The following UBE2E3 variants were observed in gnomAD, a reference collection of about 807,000 sequenced individuals.
The protein encoded by UBE2E3 is ubiquitin-conjugating enzyme E2 E3.
Under a neutral mutation model 23.6 loss-of-function variants are expected in UBE2E3, and 5 were observed. The observed-to-expected ratio is 0.21, with a 90% confidence interval of 0.11 to 0.44. The LOEUF (loss-of-function observed/expected upper bound fraction) is 0.44. Ranked by LOEUF, UBE2E3 falls within the 20% of genes least tolerant of loss-of-function variation. The probability of loss-of-function intolerance (pLI) is 0.99; values close to 1 mark genes in which losing one functional copy is unlikely to be tolerated. For synonymous variants in UBE2E3, 78 were observed against 87.5 expected (o/e 0.89, Z 0.60); for missense variants, 81 against 249.8 (o/e 0.32, Z 4.55).
intron 3 of UBE2E3, among the ~76,000 whole-genome samples, chr2:181,007,277 T>G (rs1685180549): frequency 1.3e-5 from 2 of 152,214 alleles, no homozygotes; most frequent in South Asian, 4.1e-4. Context: ...TTAAAATAGC[T>G]TGCTACCTTA....
chr2:181,059,088 G>A (rs1362071251), intron 4 of UBE2E3, among the ~76,000 whole-genome samples: 2 of 151,688 alleles, frequency 1.3e-5, no homozygotes, highest in African/African-American at 4.8e-5. Context: ...TATAAATTTA[G>A]CATGTTGGTT....
intron 3 of UBE2E3, among the ~76,000 whole-genome samples, chr2:181,021,373 C>G (rs1292754816): frequency 7.4e-6 from 1 of 135,436 alleles, no homozygotes; most frequent in South Asian, 2.4e-4. Context: ...TTTTTGTTTT[C>G]TTTTCTTTTT....
At chr2:181,056,884 A>G (rs113606394) in intron 3 of UBE2E3, among the ~76,000 whole-genome samples, 43 of 151,932 alleles carry the variant, frequency 2.8e-4, no homozygotes, top group African/African-American at 9.4e-4. Context: ...CCAATGAGGT[A>G]CAGGTAGGTG....
At chr2:180,997,461 T>C (rs1574165525) in intron 3 of UBE2E3, among the ~76,000 whole-genome samples, 1 of 152,236 alleles carries the variant, frequency 6.6e-6, no homozygotes, top group East Asian at 1.9e-4. Flanking sequence ...ATGTGTCTTC[T>C]TTCTCCCACT....
intron 3 of UBE2E3, among the ~76,000 whole-genome samples, chr2:181,047,695 A>G (rs531942752): frequency 6.6e-6 from 1 of 152,052 alleles, no homozygotes; most frequent in African/African-American, 2.4e-5. Context: ...CTGGTACCAT[A>G]TTAGTCTAGC....
At chr2:181,059,320 T>C (rs1687066869) in intron 4 of UBE2E3, among the ~76,000 whole-genome samples, 1 of 151,792 alleles carries the variant, frequency 6.6e-6, no homozygotes, top group Non-Finnish European at 1.5e-5. Context: ...AGAAATCTGC[T>C]CATGAATGCT....
chr2:181,062,128 TGCC>T (rs1453016369), intron 5 of UBE2E3, among the ~76,000 whole-genome samples: 1 of 151,690 alleles, frequency 6.6e-6, no homozygotes, highest in Non-Finnish European at 1.5e-5. Flanking sequence ...AACAATTGTT[TGCC>T]AGGGAAAGAA....
At chr2:181,022,628 A>T (rs1227893844) in intron 3 of UBE2E3, among the ~76,000 whole-genome samples, 1 of 152,086 alleles carries the variant, frequency 6.6e-6, no homozygotes. Context: ...GAAACACTAG[A>T]TAGCACTTTA....
chr2:181,040,913 A>T (rs1686470239), intron 3 of UBE2E3, among the ~76,000 whole-genome samples: 1 of 142,294 alleles, frequency 7.0e-6, no homozygotes, highest in African/African-American at 2.5e-5. Context: ...GTAGACTCTT[A>T]GAGGTTCCTT....
intron 3 of UBE2E3, among the ~76,000 whole-genome samples, chr2:181,023,808 G>A (rs1220580269): frequency 6.6e-6 from 1 of 152,092 alleles, no homozygotes; most frequent in South Asian, 2.1e-4. Flanking sequence ...GATAATTTTG[G>A]TGTGAGAATT....
chr2:181,043,887 G>C (rs1686591638), intron 3 of UBE2E3, among the ~76,000 whole-genome samples: 1 of 152,092 alleles, frequency 6.6e-6, no homozygotes, highest in Non-Finnish European at 1.5e-5. Context: ...CATCATGATT[G>C]ATTGAAAACC....
At chr2:180,989,835 C>A in intron 3 of UBE2E3, 1 of 1,524,386 alleles carries the variant, frequency 6.6e-7, no homozygotes. Context: ...TTTATGCTCT[C>A]CTTAAATGAG....
chr2:181,003,270 G>A (rs1037178313), intron 3 of UBE2E3, among the ~76,000 whole-genome samples: 2 of 152,150 alleles, frequency 1.3e-5, no homozygotes, highest in Admixed American at 6.5e-5. Flanking sequence ...TATATTAACA[G>A]CGTTTAAGCA....
intron 4 of UBE2E3, among the ~76,000 whole-genome samples, chr2:181,059,133 T>C (rs891943920): frequency 6.6e-6 from 1 of 151,780 alleles, no homozygotes; most frequent in Non-Finnish European, 1.5e-5. Context: ...TCTAATTCTT[T>C]AGTGTTCACT....
chr2:181,027,717 G>A (rs931048031), intron 3 of UBE2E3, among the ~76,000 whole-genome samples: 44 of 151,810 alleles, frequency 2.9e-4, no homozygotes, highest in African/African-American at 1.0e-3. Flanking sequence ...TCCTAGTGTC[G>A]TTTTTAAAAT....
chr2:181,023,055 A>G, intron 3 of UBE2E3, among the ~76,000 whole-genome samples: 1 of 152,256 alleles, frequency 6.6e-6, no homozygotes, highest in East Asian at 1.9e-4. Context: ...CATTTAGTAG[A>G]AATCACATGC....
At position 181,021,554 on chromosome 2, in the gene UBE2E3, C is replaced by CCCTTCCTTCCTT. The variant is rs749212211; in HGVS notation, c.246-36131_246-36120dup. Among the ~76,000 whole-genome samples, 227 of 47,140 alleles carry CCCTTCCTTCCTT rather than the reference C, an allele frequency of 4.8e-3. 5 individuals carry two copies. Among genetic ancestry groups the CCCTTCCTTCCTT allele is most frequent in the Non-Finnish European group, 7.3e-3 (171 of 23,450 alleles). 30.9% of individuals were successfully genotyped at this position (47,140 alleles called of 152,430 possible). A position where few individuals can be genotyped will look rare whatever the true frequency, so the allele number is the denominator to read the frequency against. On this transcript the variant is annotated intron_variant, in intron 3 of 5. Coordinates refer to ENST00000410062, the MANE Select transcript of UBE2E3 (RefSeq NM_006357.4). The stretch of plus-strand genomic sequence containing the variant: ...TTACAACTTTTCTTTTAAATATACT[C>CCCTTCCTTCCTT]CCTTCCTTCCTTCCTTCCTCCCTCC...
At chr2:181,024,793 A>G (rs1180773480) in intron 3 of UBE2E3, among the ~76,000 whole-genome samples, 1 of 152,070 alleles carries the variant, frequency 6.6e-6, no homozygotes, top group African/African-American at 2.4e-5. Flanking sequence ...ACTAAAAACC[A>G]AATATGTGAT....
At chr2:181,046,956 A>C (rs1353055238) in intron 3 of UBE2E3, among the ~76,000 whole-genome samples, 1 of 152,148 alleles carries the variant, frequency 6.6e-6, no homozygotes, top group East Asian at 1.9e-4. Context: ...AAAGAGTATA[A>C]GTGAAAACTA....
Sources: gnomAD v4.1 joint callset for allele counts (sites outside exome capture counted in the v4.1 genomes callset) on GRCh38, gnomAD v4.1.1 for gene constraint, MANE v1.5 for transcripts, NCBI Gene and HGNC (gene_info 2026-07-23, HGNC 2026-07-21) for gene names.